The following KLRG2 variants were observed in gnomAD, a reference collection of about 807,000 sequenced individuals.
The protein encoded by KLRG2 is killer cell lectin-like receptor subfamily G member 2.
KLRG2 carries 39 observed loss-of-function variants against 35.4 expected under a neutral mutation model. That is an observed-to-expected ratio of 1.10 (90% CI 0.85 to 1.44). The LOEUF (loss-of-function observed/expected upper bound fraction) is 1.44. Among genes scored for constraint, KLRG2 ranks in the 40% most tolerant of loss-of-function variants. KLRG2 has a pLI of 0.00. For missense variants in KLRG2, 632 were observed against 570.9 expected (o/e 1.11, Z -1.09); for synonymous variants, 283 against 265.8 (o/e 1.06, Z -0.63).
the KLRG2 span, among the ~76,000 whole-genome samples, chr7:139,431,751 A>T: frequency 6.6e-6 from 1 of 152,178 alleles, no homozygotes; most frequent in Non-Finnish European, 1.5e-5. Context: ...GAGGAATTCC[A>T]TGCAGACCAA....
chr7:139,457,554 A>T (rs10441418), intron 3 of KLRG2, among the ~76,000 whole-genome samples: 25,047 of 152,182 alleles, frequency 0.16, 2,250 homozygotes, highest in Middle Eastern at 0.22. Flanking sequence ...GTACACACTC[A>T]TCCCATGTCC....
chr7:139,453,538 AG>A lies in KLRG2; in HGVS notation c.*48del, dbSNP rs1569408830. 1 of 1,554,968 alleles carries A rather than the reference AG, an allele frequency of 6.4e-7. No homozygotes were observed. The highest frequency in any genetic ancestry group is 8.7e-7 in the Non-Finnish European group (1 of 1,150,296). Reference sequence around the variant, plus strand: ...CAAGCTCTCAACTGGCCTCCCCTGTAGGGGGTGCTGCATCTGCCTGGCAGGC... The same window carrying A: ...CAAGCTCTCAACTGGCCTCCCCTGTAGGGGTGCTGCATCTGCCTGGCAGGC... On this transcript the variant is annotated 3_prime_UTR_variant, in exon 5 of 5. Transcript: ENST00000340940.
chr7:139,460,269 G>A (rs1426375961), intron 3 of KLRG2, among the ~76,000 whole-genome samples: 2 of 152,216 alleles, frequency 1.3e-5, no homozygotes, highest in Non-Finnish European at 2.9e-5. Context: ...ACCTGGCCCC[G>A]ACGTTGTTGG....
chr7:139,477,870 T>C (rs942886294), intron 3 of KLRG2, among the ~76,000 whole-genome samples: 34 of 152,188 alleles, frequency 2.2e-4, no homozygotes, highest in African/African-American at 7.9e-4. Flanking sequence ...GCCATTCTCC[T>C]GCCTCAGCCT....
chr7:139,470,842 T>C (rs1796742657), intron 3 of KLRG2, among the ~76,000 whole-genome samples: 1 of 137,662 alleles, frequency 7.3e-6, no homozygotes, highest in South Asian at 2.3e-4. Context: ...AGCACATTCC[T>C]TTTTTTTTTT....
chr7:139,466,750 A>AAAATAAAAT (rs890563459), intron 3 of KLRG2, among the ~76,000 whole-genome samples: 3 of 147,710 alleles, frequency 2.0e-5, no homozygotes, highest in African/African-American at 5.1e-5. Context: ...TAAAATAAAA[A>AAAATAAAAT]AAATAAAAAA....
intron 3 of KLRG2, among the ~76,000 whole-genome samples, chr7:139,456,870 A>G (rs960377876): frequency 6.6e-6 from 1 of 152,166 alleles, no homozygotes; most frequent in African/African-American, 2.4e-5. Context: ...CTTACTCAGC[A>G]TCGCACTATG....
chr7:139,472,071 C>T (rs1051175494), intron 3 of KLRG2, among the ~76,000 whole-genome samples: 1 of 152,184 alleles, frequency 6.6e-6, no homozygotes, highest in Non-Finnish European at 1.5e-5. Flanking sequence ...GCATGGCAGG[C>T]ACTTCCAGGA....
At chr7:139,432,680 G>C in the KLRG2 span, among the ~76,000 whole-genome samples, 1 of 151,890 alleles carries the variant, frequency 6.6e-6, no homozygotes, top group Non-Finnish European at 1.5e-5. Flanking sequence ...GGGTGCACAA[G>C]TCTCTCATAC....
chr7:139,449,003 G>A (rs6972895), downstream of KLRG2, among the ~76,000 whole-genome samples: 60,837 of 151,068 alleles, frequency 0.4, 16,860 homozygotes, highest in African/African-American at 0.79. Flanking sequence ...GCTACTCGGG[G>A]GGCTGAGGCA....
rs1425631972 is a variant in KLRG2 at position 139,483,112 on chromosome 7, G to A, written c.531C>T (p.Ser177=). The A allele has an allele frequency of 6.8e-7, 1 of 1,474,858 alleles. No homozygotes were observed. Among genetic ancestry groups the A allele is most frequent in the Non-Finnish European group, 8.9e-7 (1 of 1,121,550 alleles). The allele number at this position is 1,474,858 out of a possible 1,614,324, so 91.4% of individuals were successfully genotyped here. The part of the protein sequence containing the change: ...PAHQLLLRAP[S]QGGTWGRRSP... ...AGCGGCGGCCCCACGTGCCGCCCTG[G>A]GATGGTGCGCGCAGCAGGAGCTGGT... The change falls in exon 1 of 5, where the codon TCC becomes TCT. Residue 177 remains serine (S), a synonymous_variant. Coordinates refer to ENST00000340940, the MANE Select transcript of KLRG2 (RefSeq NM_198508.4).
chr7:139,453,805 C>A (rs10954649), intron 4 of KLRG2, 98 bp from the exon 5 acceptor site: 2 of 1,424,360 alleles, frequency 1.4e-6, no homozygotes, highest in Non-Finnish European at 9.7e-7. Context: ...TCACCTCTAC[C>A]GGCCTGGGCA....
At chr7:139,454,861 T>C (rs1045945493) in intron 3 of KLRG2, among the ~76,000 whole-genome samples, 3 of 136,992 alleles carry the variant, frequency 2.2e-5, no homozygotes, top group African/African-American at 8.7e-5. Context: ...ATAATAATAA[T>C]AATAACACAC....
At chr7:139,450,096 G>A (rs1053284055), downstream of KLRG2, among the ~76,000 whole-genome samples, 1 of 151,646 alleles carries the variant, frequency 6.6e-6, no homozygotes, top group African/African-American at 2.4e-5. Context: ...AGGGTGGAGT[G>A]CAGTGTTGTA....
At chr7:139,473,758 G>A (rs10260559) in intron 3 of KLRG2, among the ~76,000 whole-genome samples, 16,757 of 152,146 alleles carry the variant, frequency 0.11, 1,110 homozygotes, top group Middle Eastern at 0.18. Flanking sequence ...CAGATCACCC[G>A]AGGTCAGGAG....
At chr7:139,437,423 T>C in the KLRG2 span, among the ~76,000 whole-genome samples, 2 of 67,840 alleles carry the variant, frequency 2.9e-5, no homozygotes, top group African/African-American at 9.5e-5. Flanking sequence ...AGACTCCATC[T>C]CCAAAAAAAA....
intron 1 of KLRG2, among the ~76,000 whole-genome samples, chr7:139,481,572 T>C (rs1796959984): frequency 6.6e-6 from 1 of 152,148 alleles, no homozygotes; most frequent in African/African-American, 2.4e-5. Context: ...CGTTGCTCCT[T>C]CCAGTCTCTC....
chr7:139,479,749 G>C lies in KLRG2; in HGVS notation c.883C>G (p.Pro295Ala). ...TGCTCCTCGGACAACACCCAGCCTG[G>C]GGGGCACTGCTGGCATCTGGCTCCT... ...RAGARCQQCP[P>A]GWVLSEEHCY... Residue 295 changes from proline to alanine, a missense_variant, in exon 3 of 5, where the codon CCA becomes GCA. Physicochemically the swap from Pro to Ala is conservative, Grantham distance 27. Coordinates refer to ENST00000340940, the MANE Select transcript of KLRG2 (RefSeq NM_198508.4). 1.2e-6 allele frequency: 2 copies of C among 1,613,950 alleles called. No homozygotes were observed. The highest frequency in any genetic ancestry group is 2.7e-5 in the African/African-American group (2 of 75,052).
chr7:139,453,524 C>T lies in KLRG2; in HGVS notation c.*63G>A. The T allele has an allele frequency of 1.3e-6, 2 of 1,534,122 alleles. No homozygotes were observed. Among genetic ancestry groups the T allele is most frequent in the East Asian group, 2.4e-5 (1 of 40,958 alleles). ...AGGAAGAGGCTGCCCAAGCTCTCAA[C>T]TGGCCTCCCCTGTAGGGGGTGCTGC... On this transcript the variant is annotated 3_prime_UTR_variant, in exon 5 of 5. Coordinates refer to ENST00000340940, the MANE Select transcript of KLRG2 (RefSeq NM_198508.4).
Sources: gnomAD v4.1 joint callset for allele counts (sites outside exome capture counted in the v4.1 genomes callset) on GRCh38, gnomAD v4.1.1 for gene constraint, MANE v1.5 for transcripts, NCBI Gene and HGNC (gene_info 2026-07-23, HGNC 2026-07-21) for gene names.